KCNH8: variants seen among roughly 807,000 people sequenced by gnomAD.
KCNH8 encodes the protein potassium voltage-gated channel subfamily H member 8.
In KCNH8, 70 loss-of-function variants were observed where a neutral mutation model predicts 103.6. The ratio of observed to expected loss-of-function variants is 0.68; its 90% confidence interval spans 0.56 to 0.82. The LOEUF (loss-of-function observed/expected upper bound fraction) is 0.82. Among genes scored for constraint, KCNH8 ranks in the 40% least tolerant of loss-of-function variants. KCNH8 has a pLI of 0.00. For missense variants in KCNH8, 1,217 were observed against 1,329.9 expected (o/e 0.92, Z 1.32); for synonymous variants, 498 against 489.4 (o/e 1.02, Z -0.23).
intron 3 of KCNH8, among the ~76,000 whole-genome samples, chr3:19,290,527 C>T (rs916900365): frequency 6.6e-6 from 1 of 152,112 alleles, no homozygotes; most frequent in African/African-American, 2.4e-5. Flanking sequence ...GTCTTTGGTT[C>T]TGTTTATATG....
intron 10 of KCNH8, among the ~76,000 whole-genome samples, chr3:19,451,807 A>T (rs1288599089): frequency 6.6e-6 from 1 of 152,190 alleles, no homozygotes; most frequent in Admixed American, 6.5e-5. Flanking sequence ...AGAACACAAA[A>T]ATTAAATTGT....
At chr3:19,374,261 A>C (rs2066153608) in intron 5 of KCNH8, among the ~76,000 whole-genome samples, 1 of 151,344 alleles carries the variant, frequency 6.6e-6, no homozygotes, top group African/African-American at 2.4e-5. Context: ...TTTGTAGGTC[A>C]CTCAGGACTG....
At chr3:19,502,131 GACAA>G (rs1397732053) in intron 11 of KCNH8, among the ~76,000 whole-genome samples, 1 of 146,796 alleles carries the variant, frequency 6.8e-6, no homozygotes, top group African/African-American at 2.5e-5. Context: ...ACCAACAACA[GACAA>G]ACAGAGAGCC....
chr3:19,452,172 C>G (rs530669013), intron 10 of KCNH8, among the ~76,000 whole-genome samples: 4 of 152,110 alleles, frequency 2.6e-5, no homozygotes, highest in Middle Eastern at 3.4e-3. Flanking sequence ...TTGCTTGAGC[C>G]CATGAGTTCA....
intron 11 of KCNH8, among the ~76,000 whole-genome samples, chr3:19,469,827 C>CT (rs2067819094): frequency 6.6e-6 from 1 of 152,154 alleles, no homozygotes; most frequent in African/African-American, 2.4e-5. Context: ...CTCAGTGCCC[C>CT]TTCTCTTCTT....
intron 3 of KCNH8, among the ~76,000 whole-genome samples, chr3:19,308,712 CT>C (rs57079177): frequency 1.2e-4 from 8 of 68,648 alleles, no homozygotes; most frequent in South Asian, 5.1e-4. Context: ...CTCTCTCTCT[CT>C]CTCTCCCCCT....
intron 1 of KCNH8, among the ~76,000 whole-genome samples, chr3:19,252,029 T>C (rs1399009417): frequency 6.6e-6 from 1 of 152,202 alleles, no homozygotes; most frequent in African/African-American, 2.4e-5. Context: ...CTAACACTGT[T>C]GGTATACCAA....
intron 6 of KCNH8, among the ~76,000 whole-genome samples, chr3:19,394,144 T>C (rs778920579): frequency 7.2e-5 from 11 of 152,196 alleles, no homozygotes; most frequent in Admixed American, 5.2e-4. Flanking sequence ...ACTCCTTCTC[T>C]ACTTGTGCTT....
In KCNH8 at chr3:19,148,815, G is replaced by C; in HGVS notation, c.76+20G>C. ...GAACACGTAAGTCTTACACTTGAAC[G>C]AGTGGTATGGCATTTTCTGAGACTG... On this transcript the variant is annotated intron_variant, in intron 1 of 15. Coordinates refer to ENST00000328405, the MANE Select transcript of KCNH8 (RefSeq NM_144633.3). The C allele has an allele frequency of 1.2e-6, 2 of 1,601,942 alleles. No homozygotes were observed. Among genetic ancestry groups the C allele is most frequent in the Non-Finnish European group, 1.7e-6 (2 of 1,168,844 alleles).
chr3:19,514,013 T>G (rs2068831696), intron 13 of KCNH8, among the ~76,000 whole-genome samples: 1 of 149,530 alleles, frequency 6.7e-6, no homozygotes, highest in Non-Finnish European at 1.5e-5. Context: ...TGTATTACTT[T>G]TTATGTTTCA....
At chr3:19,461,764 C>A (rs1466366469) in intron 11 of KCNH8, among the ~76,000 whole-genome samples, 1 of 152,228 alleles carries the variant, frequency 6.6e-6, no homozygotes, top group Middle Eastern at 3.4e-3. Flanking sequence ...TTTGCCGCAC[C>A]CATTAACTTG....
At chr3:19,195,785 A>C (rs1033102144) in intron 1 of KCNH8, among the ~76,000 whole-genome samples, 3 of 151,966 alleles carry the variant, frequency 2.0e-5, no homozygotes, top group African/African-American at 7.2e-5. Flanking sequence ...GTTAGGAACT[A>C]TTGGTGGTGA....
chr3:19,247,335 C>G (rs1378966919), intron 1 of KCNH8, among the ~76,000 whole-genome samples: 1 of 152,078 alleles, frequency 6.6e-6, no homozygotes. Flanking sequence ...CAGTTAAGCT[C>G]CCTGAAATCA....
chr3:19,498,887 C>T (rs1011975505), intron 11 of KCNH8, among the ~76,000 whole-genome samples: 8 of 152,090 alleles, frequency 5.3e-5, no homozygotes, highest in Non-Finnish European at 1.0e-4. Flanking sequence ...CCCAGTTAGG[C>T]TGCTTGGGGG....
chr3:19,360,521 A>C (rs1188054761), intron 5 of KCNH8, among the ~76,000 whole-genome samples: 2 of 152,074 alleles, frequency 1.3e-5, no homozygotes, highest in Non-Finnish European at 2.9e-5. Context: ...GTTGCAACAG[A>C]GACTGTGGCC....
Position 19,152,986 on chromosome 3 carries a change from C to G in KCNH8, c.76+4191C>G, listed in dbSNP as rs553670247. Among the ~76,000 whole-genome samples the G allele has an allele frequency of 4.7e-4, 71 of 151,806 alleles. No individual in the cohort carries two copies. The Middle Eastern group carries it at 0.01, about 22-fold the overall frequency. On this transcript the variant is annotated intron_variant, in intron 1 of 15. Transcript: ENST00000328405. The stretch of plus-strand genomic sequence containing the variant: ...AAAGAAATTTGTTAAAATTGAAATA[C>G]TTCCTCTACAGAGGAAATTCTCAGT...
chr3:19,445,899 G>A (rs1421128015), intron 8 of KCNH8, among the ~76,000 whole-genome samples: 1 of 151,826 alleles, frequency 6.6e-6, no homozygotes, highest in African/African-American at 2.4e-5. Context: ...CTAGATGCAG[G>A]GAAAACAAAG....
intron 6 of KCNH8, among the ~76,000 whole-genome samples, chr3:19,394,536 C>G (rs1332245852): frequency 6.6e-6 from 1 of 151,782 alleles, no homozygotes; most frequent in Non-Finnish European, 1.5e-5. Flanking sequence ...TTCCTCTGTC[C>G]ATTGATAACG....
intron 4 of KCNH8, among the ~76,000 whole-genome samples, chr3:19,343,777 G>T (rs9827872): frequency 6.6e-6 from 1 of 151,770 alleles, no homozygotes; most frequent in Non-Finnish European, 1.5e-5. Flanking sequence ...TCAGACATAC[G>T]AAGTATTCAT....
Sources: gnomAD v4.1 joint callset for allele counts (sites outside exome capture counted in the v4.1 genomes callset) on GRCh38, gnomAD v4.1.1 for gene constraint, MANE v1.5 for transcripts, NCBI Gene and HGNC (gene_info 2026-07-23, HGNC 2026-07-21) for gene names.